PDE4B: variants seen among roughly 807,000 people sequenced by gnomAD.
The protein encoded by PDE4B is 3',5'-cyclic-AMP phosphodiesterase 4B.
A neutral mutation model predicts 82.2 loss-of-function variants in PDE4B; 20 were observed. The observed-to-expected ratio is 0.24, with a 90% CI of 0.17 to 0.35. PDE4B has a LOEUF of 0.35. Among genes scored for constraint, PDE4B ranks in the 10% least tolerant of loss-of-function variants. The probability of loss-of-function intolerance (pLI) is 1.00; values close to 1 mark genes in which losing one functional copy is unlikely to be tolerated. For missense variants in PDE4B, 655 were observed against 907.2 expected, an observed-to-expected ratio of 0.72 and a Z score of 3.57; for synonymous variants, 320 against 318.9, an observed-to-expected ratio of 1.00 and a Z score of -0.04.
rs184087230 is a variant in PDE4B at position 65,798,670 on chromosome 1, G to A, written c.-71+5422G>A. Among the ~76,000 whole-genome samples the A allele has an allele frequency of 5.3e-5, 8 of 152,292 alleles. No homozygotes were observed. In the East Asian group the frequency reaches 1.5e-3, roughly 29 times the overall value. On this transcript the variant is annotated intron_variant, in intron 1 of 16. Coordinates refer to ENST00000341517, the MANE Select transcript of PDE4B (RefSeq NM_002600.4). Reference sequence around the variant, plus strand: ...CACCCGGCTTTTTAAAAACACTCTAGTTTAAATCCTCAACCACATTATCCA... The same window carrying A: ...CACCCGGCTTTTTAAAAACACTCTAATTTAAATCCTCAACCACATTATCCA...
intron 1 of PDE4B, among the ~76,000 whole-genome samples, chr1:65,828,543 G>A (rs1381409828): frequency 6.6e-6 from 1 of 152,072 alleles, no homozygotes; most frequent in Admixed American, 6.5e-5. Context: ...ACTGCACCTG[G>A]TCTCCTTATT....
At chr1:66,286,846 A>G (rs1054842908) in intron 7 of PDE4B, among the ~76,000 whole-genome samples, 1 of 152,166 alleles carries the variant, frequency 6.6e-6, no homozygotes. Flanking sequence ...TTTAATATTC[A>G]GTCTTTCAGT....
chr1:66,187,850 T>G (rs1356434241), intron 3 of PDE4B, among the ~76,000 whole-genome samples: 3 of 151,962 alleles, frequency 2.0e-5, no homozygotes, highest in Non-Finnish European at 4.4e-5. Context: ...TCTGCTCTGA[T>G]TTTAGTTATT....
intron 3 of PDE4B, among the ~76,000 whole-genome samples, chr1:66,158,027 G>A (rs1240118189): frequency 1.3e-5 from 2 of 152,132 alleles, no homozygotes; most frequent in African/African-American, 4.8e-5. Flanking sequence ...TGAGGTATGG[G>A]TTTATGATAG....
At chr1:66,232,172 C>A (rs1652005285) in intron 3 of PDE4B, among the ~76,000 whole-genome samples, 2 of 152,136 alleles carry the variant, frequency 1.3e-5, no homozygotes, top group African/African-American at 2.4e-5. Context: ...TCTGAAACTC[C>A]TCAGATGCAA....
chr1:66,223,993 A>G (rs1011012761), intron 3 of PDE4B, among the ~76,000 whole-genome samples: 1 of 152,136 alleles, frequency 6.6e-6, no homozygotes, highest in Non-Finnish European at 1.5e-5. Context: ...GTTATTTGCT[A>G]TCATTTTGAA....
rs150397330 is a variant in PDE4B, at chr1:66,291,451, A to G, written c.634+25364A>G. Reference sequence around the variant, plus strand: ...TGTTGTCACATGTTGTCACCTTTCTATAGATGTTACTTAGAAAACAAATGG... The same window carrying G: ...TGTTGTCACATGTTGTCACCTTTCTGTAGATGTTACTTAGAAAACAAATGG... On this transcript the variant is annotated intron_variant, in intron 7 of 16. Transcript: ENST00000341517. Among the ~76,000 whole-genome samples the G allele has an allele frequency of 2.6e-5, 4 of 152,310 alleles. No individual in the cohort carries two copies. The East Asian group carries it at 5.8e-4, about 22-fold the overall frequency.
At chr1:66,089,755 T>A (rs1205913324) in intron 3 of PDE4B, among the ~76,000 whole-genome samples, 1 of 152,118 alleles carries the variant, frequency 6.6e-6, no homozygotes, top group Admixed American at 6.6e-5. Flanking sequence ...AAACAGCTGA[T>A]TGTTCTGTGT....
At chr1:66,358,166 C>G (rs1202790572) in intron 9 of PDE4B, among the ~76,000 whole-genome samples, 1 of 152,128 alleles carries the variant, frequency 6.6e-6, no homozygotes, top group Non-Finnish European at 1.5e-5. Flanking sequence ...GTAACTTGAC[C>G]AAGATCGCTT....
At chr1:66,000,001 T>C (rs1651774629) in intron 3 of PDE4B, among the ~76,000 whole-genome samples, 1 of 152,220 alleles carries the variant, frequency 6.6e-6, no homozygotes, top group Admixed American at 6.5e-5. Context: ...TTCTATGATA[T>C]TGCAGGTATA....
chr1:66,060,385 C>A (rs760736380), intron 3 of PDE4B, among the ~76,000 whole-genome samples: 1 of 152,136 alleles, frequency 6.6e-6, no homozygotes, highest in Non-Finnish European at 1.5e-5. Context: ...CTTGTTGTTT[C>A]CTTAAAGGAA....
At chr1:66,164,261 G>A (rs1646674608) in intron 3 of PDE4B, among the ~76,000 whole-genome samples, 1 of 152,028 alleles carries the variant, frequency 6.6e-6, no homozygotes, top group Non-Finnish European at 1.5e-5. Flanking sequence ...AATCAGGCCG[G>A]GCACAGTGGC....
rs376438715 is a variant in PDE4B at position 65,888,082 on chromosome 1, G to T, written c.-70-25163G>T. Reference sequence around the variant, plus strand: ...CTTCTAGCAGTTTTTATAGTTTCAGGTCTTATGTATAAGTCTTTAATCTAC... The same window carrying T: ...CTTCTAGCAGTTTTTATAGTTTCAGTTCTTATGTATAAGTCTTTAATCTAC... On this transcript the variant is annotated intron_variant, in intron 1 of 16. Coordinates refer to ENST00000341517, the MANE Select transcript of PDE4B (RefSeq NM_002600.4). Among the ~76,000 whole-genome samples the T allele has an allele frequency of 2.0e-5, 3 of 152,126 alleles. No homozygotes were observed. The South Asian group carries it at 6.2e-4, about 32-fold the overall frequency.
At position 66,365,785 on chromosome 1, in the gene PDE4B, C is replaced by G; in HGVS notation, c.1384+19C>G. 1 of 1,349,916 alleles carries G rather than the reference C, an allele frequency of 7.4e-7. No individual in the cohort carries two copies. 83.6% of individuals were successfully genotyped at this position (1,349,916 alleles called of 1,614,324 possible). ...AACACAAGTGAGTTCACCACTACAG[C>G]AGTCATTCCAGATAATTGTATGATT... On this transcript the variant is annotated intron_variant, in intron 13 of 16. Coordinates refer to ENST00000341517, the MANE Select transcript of PDE4B (RefSeq NM_002600.4).
intron 1 of PDE4B, among the ~76,000 whole-genome samples, chr1:65,864,501 T>C (rs1208375110): frequency 6.6e-6 from 1 of 152,210 alleles, no homozygotes; most frequent in Admixed American, 6.5e-5. Context: ...TTGATTTATC[T>C]ACCTTTGATC....
chr1:66,246,601 G>C (rs867542505), intron 3 of PDE4B, among the ~76,000 whole-genome samples: 1 of 152,330 alleles, frequency 6.6e-6, no homozygotes, highest in South Asian at 2.1e-4. Context: ...AATGTGAAAA[G>C]GGCACAGTGC....
intron 3 of PDE4B, among the ~76,000 whole-genome samples, chr1:66,160,942 T>C: frequency 6.6e-6 from 1 of 152,176 alleles, no homozygotes; most frequent in East Asian, 1.9e-4. Flanking sequence ...TCTCAGAACA[T>C]CAGTATCTTA....
At chr1:65,850,110 C>CTTTTTTTTTT (rs57662381) in intron 1 of PDE4B, among the ~76,000 whole-genome samples, 1 of 97,490 alleles carries the variant, frequency 1.0e-5, no homozygotes, top group Non-Finnish European at 2.0e-5. Flanking sequence ...TTGCCCTGCA[C>CTTTTTTTTTT]TTTTTTTTTT....
At chr1:65,944,746 G>C (rs1252709096) in intron 3 of PDE4B, among the ~76,000 whole-genome samples, 3 of 151,836 alleles carry the variant, frequency 2.0e-5, no homozygotes, top group Non-Finnish European at 4.4e-5. Flanking sequence ...GTAAAATAAA[G>C]GCAGGAAGTG....
Sources: allele counts gnomAD v4.1 joint callset (sites outside exome capture counted in the v4.1 genomes callset), GRCh38; gene constraint gnomAD v4.1.1; transcripts MANE v1.5; gene names NCBI Gene and HGNC (gene_info 2026-07-23, HGNC 2026-07-21).